ACOT13: variants seen among roughly 807,000 people sequenced by gnomAD.
ACOT13 encodes acyl-CoA thioesterase 13, also known as acyl-coenzyme A thioesterase 13.
In ACOT13, 10 loss-of-function variants were observed where a neutral mutation model predicts 11.8. The ratio of observed to expected loss-of-function variants is 0.85; its 90% confidence interval spans 0.53 to 1.44. ACOT13 has a LOEUF of 1.44. Ranked by LOEUF, ACOT13 falls within the 40% of genes most tolerant of loss-of-function variation. The pLI is 0.00. For missense variants in ACOT13, 172 were observed against 174.1 expected (o/e 0.99, Z 0.07); for synonymous variants, 53 against 61.0 (o/e 0.87, Z 0.61).
At chr6:24,671,074 A>C (rs988766374) in intron 1 of ACOT13, among the ~76,000 whole-genome samples, 18 of 152,230 alleles carry the variant, frequency 1.2e-4, no homozygotes, top group Non-Finnish European at 2.5e-4. Flanking sequence ...AGGATCTAGA[A>C]CTAGAAATAC....
At position 24,703,312 on chromosome 6, in the gene ACOT13, G is replaced by C. The variant is rs10946720; in HGVS notation, c.*1697G>C. 31,189 of 152,208 alleles carry C rather than the reference G, an allele frequency of 0.2. 3,437 individuals are homozygous for C. The highest frequency in any genetic ancestry group is 0.26 in the Non-Finnish European group (17,589 of 68,020). The allele number at this position is 152,208 out of a possible 1,614,324, so 9.4% of individuals were successfully genotyped here. On this transcript the variant is annotated 3_prime_UTR_variant, in exon 3 of 3. Coordinates refer to ENST00000230048, the MANE Select transcript of ACOT13 (RefSeq NM_018473.4). ...CTTTCCCTACATTAGATCGCCTGCT[G>C]ATCTGTCCACTGTGAAAGGGCAGAA...
chr6:24,697,806 C>A, intron 1 of ACOT13, 77 bp from the exon 2 acceptor site: 2 of 1,213,910 alleles, frequency 1.6e-6, no homozygotes, highest in Non-Finnish European at 2.2e-6. Flanking sequence ...TCAGTTCAAT[C>A]CATTGTTCTT....
intron 1 of ACOT13, among the ~76,000 whole-genome samples, chr6:24,695,964 G>A (rs1424572278): frequency 2.0e-5 from 3 of 151,918 alleles, no homozygotes; most frequent in East Asian, 1.9e-4. Context: ...AGGCTGAGGC[G>A]GGAGGATTGC....
chr6:24,678,340 C>T (rs1390151693), intron 1 of ACOT13, among the ~76,000 whole-genome samples: 1 of 152,112 alleles, frequency 6.6e-6, no homozygotes, highest in Non-Finnish European at 1.5e-5. Flanking sequence ...GAAGAACAGC[C>T]TCATTGATAA....
At chr6:24,697,579 G>A (rs1256670408) in intron 1 of ACOT13, among the ~76,000 whole-genome samples, 1 of 152,048 alleles carries the variant, frequency 6.6e-6, no homozygotes, top group Non-Finnish European at 1.5e-5. Flanking sequence ...TGTTGGCGTC[G>A]AAGTTCCAAT....
chr6:24,701,480 A>G lies in ACOT13; in HGVS notation c.288A>G (p.Leu96=), dbSNP rs769776377. The G allele has an allele frequency of 4.4e-5, 70 of 1,608,104 alleles. No homozygotes were observed. In the Admixed American group the frequency reaches 4.4e-4, roughly 10 times the overall value. The change falls in exon 3 of 3, where the codon TTA becomes TTG. Residue 96 remains leucine, a synonymous_variant. Coordinates refer to ENST00000230048, the MANE Select transcript of ACOT13 (RefSeq NM_018473.4). ...CAAGGTACATGTCACCTGCAAAATT[A>G]GGAGAAGATATAGTGATTACAGCAC... ...MNITYMSPAK[L]GEDIVITAHV...
At position 24,674,156 on chromosome 6, in the gene ACOT13, G is replaced by A. The variant is rs555859954; in HGVS notation, c.81+6812G>A. On this transcript the variant is annotated intron_variant, in intron 1 of 2. Transcript: ENST00000230048. The stretch of plus-strand genomic sequence containing the variant: ...GGCTCACTGCAACCTCCACCTCCTG[G>A]GTTCAAGTGATTCTCCTGCCTCAGC... Among the ~76,000 whole-genome samples, 4 of 151,984 alleles carry A rather than the reference G, an allele frequency of 2.6e-5. No homozygotes were observed. In the South Asian group the frequency reaches 8.3e-4, roughly 32 times the overall value.
At chr6:24,682,092 A>T (rs1582438282) in intron 1 of ACOT13, among the ~76,000 whole-genome samples, 1 of 152,210 alleles carries the variant, frequency 6.6e-6, no homozygotes, top group East Asian at 1.9e-4. Flanking sequence ...CCAACCCAGA[A>T]GGGTTGGGGG....
rs1778969578 is a variant in ACOT13 at position 24,704,910 on chromosome 6, GTTTTCTTTTTCTTT to G, written c.*3306_*3319del. On this transcript the variant is annotated 3_prime_UTR_variant, in exon 3 of 3. Transcript: ENST00000230048. Reference sequence around the variant, plus strand: ...GGGAACTTTCACCTATTTTATTTAGGTTTTCTTTTTCTTTTTTTCTTTTTTTTTCAAATTCCAAC... The same window carrying G: ...GGGAACTTTCACCTATTTTATTTAGGTTTTCTTTTTTTTTCAAATTCCAAC... The G allele has an allele frequency of 6.6e-6, 1 of 152,104 alleles. No individual in the cohort carries two copies. The highest frequency in any genetic ancestry group is 1.5e-5 in the Non-Finnish European group (1 of 67,968). The allele number at this position is 152,104 out of a possible 1,614,324, so 9.4% of individuals were successfully genotyped here. A position where few individuals can be genotyped will look rare whatever the true frequency, so the allele number is the denominator to read the frequency against.
At position 24,703,048 on chromosome 6, in the gene ACOT13, A is replaced by G. The variant is rs575591311; in HGVS notation, c.*1433A>G. ...ACTACAGGCGTGTGCCACCACGCCT[A>G]ATTTTATTTTTGTAGAAACAAGGTC... is the stretch of plus-strand genomic sequence containing the variant. On this transcript the variant is annotated 3_prime_UTR_variant, in exon 3 of 3. Coordinates refer to ENST00000230048, the MANE Select transcript of ACOT13 (RefSeq NM_018473.4). The G allele has an allele frequency of 7.2e-5, 11 of 152,294 alleles. No individual in the cohort carries two copies. The highest frequency in any genetic ancestry group is 2.4e-4 in the African/African-American group (10 of 41,536). The allele number at this position is 152,294 out of a possible 1,614,324, so 9.4% of individuals were successfully genotyped here. A position where few individuals can be genotyped will look rare whatever the true frequency, so the allele number is the denominator to read the frequency against.
At chr6:24,669,569 T>A (rs989767564) in intron 1 of ACOT13, among the ~76,000 whole-genome samples, 2 of 152,182 alleles carry the variant, frequency 1.3e-5, no homozygotes, top group Non-Finnish European at 2.9e-5. Flanking sequence ...AAAAAAAATT[T>A]TTTTTTGGAG....
chr6:24,667,909 T>G (rs1778288404), intron 1 of ACOT13, among the ~76,000 whole-genome samples: 1 of 152,092 alleles, frequency 6.6e-6, no homozygotes, highest in Admixed American at 6.5e-5. Context: ...TGTTTGTTTG[T>G]TTTTGTTTTT....
At chr6:24,676,267 T>C (rs1778453259) in intron 1 of ACOT13, among the ~76,000 whole-genome samples, 1 of 152,070 alleles carries the variant, frequency 6.6e-6, no homozygotes, top group Admixed American at 6.5e-5. Flanking sequence ...GTGAAGAAAG[T>C]CATTGGTAGC....
At chr6:24,667,865 C>G (rs561660494) in intron 1 of ACOT13, among the ~76,000 whole-genome samples, 1 of 152,194 alleles carries the variant, frequency 6.6e-6, no homozygotes, top group Non-Finnish European at 1.5e-5. Context: ...AGACTGAGTG[C>G]TTTTCTGAGA....
chr6:24,697,249 T>C (rs1192546505), intron 1 of ACOT13, among the ~76,000 whole-genome samples: 1 of 152,250 alleles, frequency 6.6e-6, no homozygotes, highest in Non-Finnish European at 1.5e-5. Context: ...AAGTTTTTTT[T>C]AAATGCTAGT....
intron 2 of ACOT13, among the ~76,000 whole-genome samples, chr6:24,699,236 G>C (rs369188506): frequency 6.8e-6 from 1 of 147,196 alleles, no homozygotes; most frequent in African/African-American, 2.5e-5. Context: ...TTGAGACGGA[G>C]TCTCGCTTTG....
intron 1 of ACOT13, among the ~76,000 whole-genome samples, chr6:24,681,980 C>CT (rs1302673122): frequency 1.2e-4 from 18 of 152,196 alleles, no homozygotes; most frequent in Admixed American, 1.2e-3. Flanking sequence ...TCTCAACAGG[C>CT]TAATGCCGGG....
rs1394587987 is a variant in ACOT13 at position 24,703,019 on chromosome 6, TG to T, written c.*1406del. ...CTTCCACCTCAGTCTCCTGAGTAGC[TG>T]GAACTACAGGCGTGTGCCACCACGC... On this transcript the variant is annotated 3_prime_UTR_variant, in exon 3 of 3. Transcript: ENST00000230048. 3.9e-5 allele frequency: 6 copies of T among 152,276 alleles called. No individual in the cohort carries two copies. The highest frequency in any genetic ancestry group is 7.3e-5 in the Non-Finnish European group (5 of 68,082). 9.4% of individuals were successfully genotyped at this position (152,276 alleles called of 1,614,324 possible).
intron 1 of ACOT13, among the ~76,000 whole-genome samples, chr6:24,672,821 T>C (rs1163101101): frequency 6.6e-6 from 1 of 152,212 alleles, no homozygotes; most frequent in Non-Finnish European, 1.5e-5. Flanking sequence ...TTATTTTATC[T>C]TTCAAATTTG....
Sources: allele counts gnomAD v4.1 joint callset (sites outside exome capture counted in the v4.1 genomes callset), GRCh38; gene constraint gnomAD v4.1.1; transcripts MANE v1.5; gene names NCBI Gene and HGNC (gene_info 2026-07-23, HGNC 2026-07-21).